The following TMEM260 variants were observed in gnomAD, a reference collection of about 807,000 sequenced individuals.
TMEM260 encodes the protein protein O-mannosyl-transferase TMEM260.
Under a neutral mutation model 88.9 loss-of-function variants are expected in TMEM260, and 82 were observed. The ratio of observed to expected loss-of-function variants is 0.92; its 90% CI spans 0.77 to 1.11. The LOEUF (loss-of-function observed/expected upper bound fraction) is 1.11. TMEM260 is among the 50% of genes least tolerant of loss of function. The pLI is 0.00. For synonymous variants in TMEM260, 314 were observed against 309.3 expected, an observed-to-expected ratio of 1.02 and a Z score of -0.16; for missense variants, 902 against 853.4, an observed-to-expected ratio of 1.06 and a Z score of -0.71.
Position 56,625,417 on chromosome 14 carries a change from A to G in TMEM260, c.1434A>G (p.Ala478=), listed in dbSNP as rs1379698065. The change falls in exon 12 of 16, where the codon GCA becomes GCG. Residue 478 remains alanine (A), a synonymous_variant. Transcript: ENST00000261556. ...ACGAGTGGTATTTACCCAAGATGGCAAAGCACTTGCCAGGTGTCAACTTTC... is the reference window on the plus strand; with the variant it reads ...ACGAGTGGTATTTACCCAAGATGGCGAAGCACTTGCCAGGTGTCAACTTTC... The part of the protein sequence containing the change: ...MTYEWYLPKM[A]KHLPGVNFPG... The G allele has an allele frequency of 8.1e-6, 13 of 1,613,906 alleles. No homozygotes were observed. Among genetic ancestry groups the G allele is most frequent in the Non-Finnish European group, 1.1e-5 (13 of 1,179,998 alleles).
chr14:56,608,927 T>C (rs558525591), intron 5 of TMEM260, among the ~76,000 whole-genome samples, 179 bp from the exon 6 acceptor site: 18 of 152,346 alleles, frequency 1.2e-4, no homozygotes, highest in Admixed American at 5.2e-4. Flanking sequence ...GCTGATGCAA[T>C]TTTCTAGTAA....
chr14:56,604,245 G>C (rs1886756053), intron 4 of TMEM260, among the ~76,000 whole-genome samples: 1 of 150,768 alleles, frequency 6.6e-6, no homozygotes, highest in African/African-American at 2.5e-5. Context: ...AAAATCCCCT[G>C]TGTGTCCGGT....
At chr14:56,660,108 AAAT>A in the TMEM260 span, among the ~76,000 whole-genome samples, 1 of 152,230 alleles carries the variant, frequency 6.6e-6, no homozygotes, top group African/African-American at 2.4e-5. Flanking sequence ...AATTAATTGG[AAAT>A]AATGCGACTT....
chr14:56,636,506 A>G lies in TMEM260; in HGVS notation c.1779-2A>G, dbSNP rs780878441. On this transcript the variant is annotated splice_acceptor_variant, in intron 14 of 15. Coordinates refer to ENST00000261556, the MANE Select transcript of TMEM260 (RefSeq NM_017799.4). LOFTEE classifies it high-confidence loss of function. ...AATGAAGGTTCCTATCCCCACCCCC[A>G]GGATGAAAACACCGTTCTTCATCTT... The G allele has an allele frequency of 1.2e-6, 2 of 1,613,964 alleles. No individual in the cohort carries two copies. Among genetic ancestry groups the G allele is most frequent in the Non-Finnish European group, 1.7e-6 (2 of 1,179,884 alleles).
chr14:56,584,997 A>T lies in TMEM260; in HGVS notation c.161-4A>T. The T allele has an allele frequency of 6.2e-7, 1 of 1,609,690 alleles. No individual in the cohort carries two copies. Among genetic ancestry groups the T allele is most frequent in the Non-Finnish European group, 8.5e-7 (1 of 1,178,196 alleles). On this transcript the variant is annotated splice_polypyrimidine_tract_variant and splice_region_variant and intron_variant, in intron 1 of 15. Transcript: ENST00000261556. ...ATTATTGGTTTTACATTATTTTTTC[A>T]CAGGGGAACTGATCACAGCCGCACA...
chr14:56,630,007 C>T (rs1888482436), intron 12 of TMEM260, among the ~76,000 whole-genome samples: 1 of 151,112 alleles, frequency 6.6e-6, no homozygotes, highest in Admixed American at 6.6e-5. Flanking sequence ...TGCCACTGCA[C>T]TCCAGCCTAG....
At chr14:56,613,996 C>A (rs1312891462) in intron 7 of TMEM260, 1 of 151,770 alleles carries the variant, frequency 6.6e-6, no homozygotes, top group Non-Finnish European at 1.5e-5. Context: ...TCCGCCTCCG[C>A]CTCCCGGGTT....
chr14:56,656,322 G>A, the TMEM260 span, among the ~76,000 whole-genome samples: 1 of 152,152 alleles, frequency 6.6e-6, no homozygotes, highest in Non-Finnish European at 1.5e-5. Flanking sequence ...AGAAGGCTGA[G>A]GCGAGAGGAT....
intron 15 of TMEM260, among the ~76,000 whole-genome samples, chr14:56,642,145 G>A (rs1011635482): frequency 2.6e-5 from 4 of 152,100 alleles, no homozygotes; most frequent in African/African-American, 7.2e-5. Context: ...ACTCAGCTCT[G>A]CACGAAGCGG....
intron 3 of TMEM260, among the ~76,000 whole-genome samples, chr14:56,594,944 G>A (rs1352554370): frequency 6.6e-6 from 1 of 152,142 alleles, no homozygotes; most frequent in African/African-American, 2.4e-5. Context: ...CCTGATTAGA[G>A]TTATTCCCAA....
intron 4 of TMEM260, among the ~76,000 whole-genome samples, chr14:56,604,429 A>G (rs557312686): frequency 1.3e-5 from 2 of 152,348 alleles, no homozygotes; most frequent in Non-Finnish European, 2.9e-5. Flanking sequence ...AATGTAAACC[A>G]TGAAGTAGTT....
chr14:56,609,199 C>T lies in TMEM260; in HGVS notation c.730C>T (p.His244Tyr), dbSNP rs760350980. The T allele has an allele frequency of 6.2e-7, 1 of 1,614,026 alleles. No individual in the cohort carries two copies. The highest frequency in any genetic ancestry group is 1.3e-5 in the African/African-American group (1 of 74,910). ...VHLPISSYLN[H>Y]ARWTWGDQTT... is the part of the protein sequence containing the mutation. ...CCTTCCCATCTCATCTTACCTTAAT[C>T]ACGCCCGGTGGACCTGGGGAGACCA... Residue 244 changes from histidine to tyrosine, a missense_variant, in exon 6 of 16, where the codon CAC becomes TAC. His to Tyr is a moderately conservative substitution (Grantham distance 83). Transcript: ENST00000261556.
At chr14:56,606,611 G>A (rs1334827687) in intron 5 of TMEM260, among the ~76,000 whole-genome samples, 1 of 152,198 alleles carries the variant, frequency 6.6e-6, no homozygotes, top group Non-Finnish European at 1.5e-5. Context: ...AGTAAAAAGG[G>A]CTGGGTGTAG....
chr14:56,618,918 G>A (rs986636409), intron 10 of TMEM260, among the ~76,000 whole-genome samples, 155 bp downstream of exon 10: 2 of 152,096 alleles, frequency 1.3e-5, no homozygotes, highest in African/African-American at 4.8e-5. Flanking sequence ...TTTTAGGGTC[G>A]TTAAACCTAA....
chr14:56,627,914 T>A (rs139790146), intron 12 of TMEM260, among the ~76,000 whole-genome samples: 95 of 152,324 alleles, frequency 6.2e-4, no homozygotes, highest in African/African-American at 2.2e-3. Flanking sequence ...AGTCACACTG[T>A]CTCCTCAGGC....
intron 1 of TMEM260, among the ~76,000 whole-genome samples, chr14:56,581,617 G>GGGCACTTACTATGTGCCA (rs1885140394): frequency 6.6e-6 from 1 of 152,166 alleles, no homozygotes; most frequent in South Asian, 2.1e-4. Context: ...GACGTTTGTT[G>GGGCACTTACTATGTGCCA]GGCACTTACT....
At chr14:56,583,612 A>T (rs559911599) in intron 1 of TMEM260, among the ~76,000 whole-genome samples, 1 of 152,254 alleles carries the variant, frequency 6.6e-6, no homozygotes, top group South Asian at 2.1e-4. Context: ...CTAAAGTGCT[A>T]AATAGACTCA....
chr14:56,601,158 C>T (rs1019611637), intron 3 of TMEM260, among the ~76,000 whole-genome samples: 1 of 152,056 alleles, frequency 6.6e-6, no homozygotes, highest in Admixed American at 6.6e-5. Flanking sequence ...TTTTTAAAAC[C>T]TTATGAAATA....
At chr14:56,609,385 G>C (rs776751958) in intron 6 of TMEM260, 100 bp downstream of exon 6, 12 of 1,121,140 alleles carry the variant, frequency 1.1e-5, no homozygotes, top group Admixed American at 4.8e-5. Flanking sequence ...AATGACAGTA[G>C]ATCAAATGTT....
Sources: gnomAD v4.1 joint callset for allele counts (sites outside exome capture counted in the v4.1 genomes callset) on GRCh38, gnomAD v4.1.1 for gene constraint, MANE v1.5 for transcripts, NCBI Gene and HGNC (gene_info 2026-07-23, HGNC 2026-07-21) for gene names.